The following NEBL variants were observed in gnomAD, a reference collection of about 807,000 sequenced individuals.
NEBL encodes the protein LIM and SH3 protein 2.
Under a neutral mutation model 140.2 loss-of-function variants are expected in NEBL, and 122 were observed. The ratio of observed to expected loss-of-function variants is 0.87; its 90% CI spans 0.75 to 1.01. The LOEUF is 1.01. NEBL is among the 50% of genes least tolerant of loss of function. NEBL has a pLI of 0.00. For synonymous variants in NEBL, 436 were observed against 398.9 expected (o/e 1.09, Z -1.11); for missense variants, 1,365 against 1,231.3 (o/e 1.11, Z -1.62).
rs144889805 is a variant in NEBL, at chr10:20,843,644, T to G, written c.1227+1614A>C. On this transcript the variant is annotated intron_variant, in intron 12 of 27. Transcript: ENST00000377122. ...TTGTTTTAAAAATAATTATTAAACA[T>G]TTTTCTTCCAAAAAGCCTTATGGCC... Among the ~76,000 whole-genome samples the G allele has an allele frequency of 4.1e-4, 62 of 152,232 alleles. No individual in the cohort carries two copies. In the East Asian group the frequency reaches 0.011, roughly 27 times the overall value.
At chr10:20,853,083 C>A (rs1253043386) in intron 9 of NEBL, among the ~76,000 whole-genome samples, 1 of 151,914 alleles carries the variant, frequency 6.6e-6, no homozygotes, top group African/African-American at 2.4e-5. Flanking sequence ...GAAAAGAAAC[C>A]CAGAGGCAAG....
chr10:20,809,826 C>G lies in NEBL; in HGVS notation c.2591G>C (p.Arg864Thr), dbSNP rs1163758141. 1 of 1,612,366 alleles carries G rather than the reference C, an allele frequency of 6.2e-7. No homozygotes were observed. Among genetic ancestry groups the G allele is most frequent in the Admixed American group, 1.7e-5 (1 of 59,950 alleles). The change falls in exon 25 of 28, where the codon AGA becomes ACA. Residue 864 changes from arginine to threonine, a missense_variant. Coordinates refer to ENST00000377122, the MANE Select transcript of NEBL (RefSeq NM_006393.3). ...LDPLEDNIQS[R>T]SLHMLSEKAS... ...AATACCAGAGAGCATATGGAGACTT[C>G]TAGACTGAATATTGTCTTCCAGGGG...
chr10:21,008,684 G>A (rs1838224298), intron 3 of NEBL, among the ~76,000 whole-genome samples: 1 of 152,090 alleles, frequency 6.6e-6, no homozygotes, highest in East Asian at 1.9e-4. Context: ...AAACCCGCTG[G>A]TGGGAATGTA....
intron 4 of NEBL, among the ~76,000 whole-genome samples, chr10:20,938,263 G>A (rs1834622022): frequency 6.6e-6 from 1 of 152,234 alleles, no homozygotes; most frequent in African/African-American, 2.4e-5. Context: ...CGATCAAGCA[G>A]CAACATTTGC....
At chr10:20,990,469 C>A (rs1184017895) in intron 3 of NEBL, among the ~76,000 whole-genome samples, 1 of 152,180 alleles carries the variant, frequency 6.6e-6, no homozygotes, top group East Asian at 1.9e-4. Context: ...TGCAAGGATA[C>A]AGAGAGAAGA....
At chr10:21,047,946 T>C (rs1299172529) in intron 2 of NEBL, among the ~76,000 whole-genome samples, 1 of 152,240 alleles carries the variant, frequency 6.6e-6, no homozygotes, top group Non-Finnish European at 1.5e-5. Context: ...GTTATTGCCA[T>C]ATAGCTTAGA....
intron 26 of NEBL, among the ~76,000 whole-genome samples, chr10:20,801,688 G>A (rs1481392918): frequency 2.0e-5 from 3 of 152,002 alleles, no homozygotes; most frequent in African/African-American, 7.3e-5. Context: ...CTGAGCAGAT[G>A]GAGTTATGGG....
At position 21,228,965 on chromosome 10, in the gene NEBL, C is replaced by G. The variant is rs79035280; in HGVS notation, n.348+18956G>C. Among the ~76,000 whole-genome samples, 163 of 152,146 alleles carry G rather than the reference C, an allele frequency of 1.1e-3. 2 individuals carry two copies. Among genetic ancestry groups the G allele is most frequent in the African/African-American group, 3.8e-3 (157 of 41,492 alleles). On this transcript the variant is annotated intron_variant and non_coding_transcript_variant, in intron 3 of 8. Transcript: ENST00000675702. ...GAGCTCTCTATTTCCTCTGTCATAG[C>G]CTGCATCCCAGTAAGGATAAATTAG...
chr10:21,105,950 T>C (rs1403204221), intron 2 of NEBL, among the ~76,000 whole-genome samples: 9 of 152,190 alleles, frequency 5.9e-5, no homozygotes, highest in African/African-American at 1.9e-4. Context: ...ATGATGAGCA[T>C]TTTTTCATGT....
At chr10:21,219,629 A>G (rs918735541) in intron 3 of NEBL, among the ~76,000 whole-genome samples, 2 of 152,190 alleles carry the variant, frequency 1.3e-5, no homozygotes, top group African/African-American at 2.4e-5. Flanking sequence ...TTCTAATGCT[A>G]TCAGAATTTT....
intron 2 of NEBL, among the ~76,000 whole-genome samples, chr10:21,099,505 C>G (rs1837369172): frequency 6.6e-6 from 1 of 152,152 alleles, no homozygotes; most frequent in South Asian, 2.1e-4. Flanking sequence ...GTTCCCCCAA[C>G]CACCACCCCT....
chr10:21,107,738 G>C (rs1837788910), intron 2 of NEBL, among the ~76,000 whole-genome samples: 1 of 152,144 alleles, frequency 6.6e-6, no homozygotes, highest in South Asian at 2.1e-4. Flanking sequence ...GTTTTGGAAG[G>C]AATGGTACCA....
chr10:20,862,732 G>C (rs1206577885), intron 7 of NEBL, among the ~76,000 whole-genome samples: 1 of 152,128 alleles, frequency 6.6e-6, no homozygotes, highest in Non-Finnish European at 1.5e-5. Flanking sequence ...GAGTGACTTT[G>C]CCATGGTTTT....
At chr10:20,947,681 T>TCACACACACA (rs5783757) in intron 4 of NEBL, among the ~76,000 whole-genome samples, 131 of 144,280 alleles carry the variant, frequency 9.1e-4, no homozygotes, top group African/African-American at 2.9e-3. Flanking sequence ...TACTGAGAAA[T>TCACACACACA]CACACACACA....
chr10:21,032,024 T>C (rs898372349), intron 2 of NEBL, among the ~76,000 whole-genome samples: 1 of 152,194 alleles, frequency 6.6e-6, no homozygotes, highest in Non-Finnish European at 1.5e-5. Flanking sequence ...ATGAATAAAA[T>C]GTCCTAGGAA....
intron 2 of NEBL, among the ~76,000 whole-genome samples, chr10:21,130,245 T>C (rs1408749026): frequency 2.0e-5 from 3 of 151,900 alleles, no homozygotes; most frequent in Non-Finnish European, 4.4e-5. Context: ...AGCATCAAAT[T>C]ACACAAAGCA....
rs769728098 is a variant in NEBL at position 20,785,772 on chromosome 10, G to A, written c.3020C>T (p.Ala1007Val). 5 of 1,613,700 alleles carry A rather than the reference G, an allele frequency of 3.1e-6. No homozygotes were observed. The highest frequency in any genetic ancestry group is 3.4e-6 in the Non-Finnish European group (4 of 1,179,916). ...TTAATTAACAAACTCAATGTAATTC[G>A]CTGGGAGCATTCCTGTTCTCCCTGT... ...QRTGRTGMLP[A>V]NYIEFVN Residue 1007 changes from alanine (A) to valine (V), a missense_variant, in exon 28 of 28, where the codon GCG becomes GTG. By Grantham distance (64) the Ala-to-Val change is moderately conservative. This residue lies in a region of NEBL where 42 missense variants were observed against 76.5 expected (regional missense o/e 0.55). Transcript: ENST00000377122.
chr10:21,286,955 C>CAAAG (rs1259012396), intron 1 of NEBL, among the ~76,000 whole-genome samples: 1 of 151,998 alleles, frequency 6.6e-6, no homozygotes, highest in African/African-American at 2.4e-5. Flanking sequence ...GTGTGACCAA[C>CAAAG]AAAGGGTGGT....
intron 2 of NEBL, among the ~76,000 whole-genome samples, chr10:21,159,532 T>C (rs1257093783): frequency 1.3e-5 from 2 of 152,210 alleles, no homozygotes; most frequent in South Asian, 2.1e-4. Context: ...CAAAGCAGCT[T>C]GAAAGCAGTG....
Sources: gnomAD v4.1 joint callset for allele counts (sites outside exome capture counted in the v4.1 genomes callset) on GRCh38, gnomAD v4.1.1 for gene constraint, gnomAD v4.1.1 regional missense constraint, MANE v1.5 for transcripts, NCBI Gene and HGNC (gene_info 2026-07-23, HGNC 2026-07-21) for gene names.